Variants in C3orf20 observed in about 807,000 individuals in gnomAD.
C3orf20 encodes the protein uncharacterized protein C3orf20.
Under a neutral mutation model 88.3 loss-of-function variants are expected in C3orf20, and 76 were observed. The ratio of observed to expected loss-of-function variants is 0.86; its 90% confidence interval spans 0.72 to 1.04. The LOEUF (loss-of-function observed/expected upper bound fraction) is 1.04. Ranked by LOEUF, C3orf20 falls within the 50% of genes least tolerant of loss-of-function variation. The pLI, the probability that C3orf20 is intolerant of heterozygous loss-of-function variation, is 0.00. For synonymous variants in C3orf20, 436 were observed against 437.4 expected (o/e 1.00, Z 0.04); for missense variants, 1,056 against 1,123.3 (o/e 0.94, Z 0.86).
intron 12 of C3orf20, among the ~76,000 whole-genome samples, chr3:14,747,872 A>G (rs1297882908): frequency 6.6e-6 from 1 of 151,964 alleles, no homozygotes; most frequent in Non-Finnish European, 1.5e-5. Context: ...AATTTTTAAT[A>G]TGACATCTTA....
At chr3:14,691,395 G>T (rs763236249) in intron 5 of C3orf20, among the ~76,000 whole-genome samples, 1 of 152,230 alleles carries the variant, frequency 6.6e-6, no homozygotes, top group Non-Finnish European at 1.5e-5. Flanking sequence ...TGAGGGAAAA[G>T]AAAGTACTCT....
chr3:14,735,071 C>T (rs2034663258), intron 12 of C3orf20, among the ~76,000 whole-genome samples: 1 of 139,450 alleles, frequency 7.2e-6, no homozygotes, highest in South Asian at 2.5e-4. Context: ...ACCCTTTCTG[C>T]TCCTTTATTT....
intron 1 of C3orf20, among the ~76,000 whole-genome samples, chr3:14,678,437 C>G (rs1023343872): frequency 6.6e-6 from 1 of 152,198 alleles, no homozygotes; most frequent in African/African-American, 2.4e-5. Flanking sequence ...TTGCAGAGAG[C>G]ACTCTGACTT....
At chr3:14,675,743 C>G (rs1323407252) in intron 1 of C3orf20, among the ~76,000 whole-genome samples, 1 of 152,020 alleles carries the variant, frequency 6.6e-6, no homozygotes, top group African/African-American at 2.4e-5. Context: ...GCTCTGCTGC[C>G]TAGGCTGGAG....
In C3orf20 at chr3:14,768,686, A is replaced by AAATTACCTTCCTGAAGTAGACC. The variant is rs1165304384; in HGVS notation, c.2496-3379_2496-3358dup. ...GCCTGAGGGGGCGCTGAGTAGAGAG[A>AAATTACCTTCCTGAAGTAGACC]AATTACCTTCCTGAAGTAGACCAGG... On this transcript the variant is annotated intron_variant, in intron 15 of 16. Coordinates refer to ENST00000253697, the MANE Select transcript of C3orf20 (RefSeq NM_032137.5). The surrounding 1 kb of genome is among the most constrained non-coding windows in gnomAD (Gnocchi z 4.1). 6.6e-6 allele frequency among the ~76,000 whole-genome samples: 1 copy of AAATTACCTTCCTGAAGTAGACC among 151,892 alleles called. No homozygotes were observed. Among genetic ancestry groups the AAATTACCTTCCTGAAGTAGACC allele is most frequent in the East Asian group, 1.9e-4 (1 of 5,178 alleles).
At chr3:14,700,081 C>G (rs1301494537) in intron 5 of C3orf20, among the ~76,000 whole-genome samples, 4 of 152,206 alleles carry the variant, frequency 2.6e-5, no homozygotes, top group African/African-American at 9.6e-5. Flanking sequence ...CTCTCCCTCT[C>G]CCAAATGCAT....
chr3:14,757,410 G>A lies in C3orf20; in HGVS notation c.1980G>A (p.Ala660=), dbSNP rs753184974. 17 of 1,611,816 alleles carry A rather than the reference G, an allele frequency of 1.1e-5. No individual in the cohort carries two copies. Among genetic ancestry groups the A allele is most frequent in the South Asian group, 6.6e-5 (6 of 90,996 alleles). The change falls in exon 13 of 17, where the codon GCG becomes GCA. Residue 660 remains alanine, a synonymous_variant. Coordinates refer to ENST00000253697, the MANE Select transcript of C3orf20 (RefSeq NM_032137.5). ...AREGRSPTRW[A]ALPSDCPLVL... ...AGGGGCGCAGCCCCACCAGGTGGGC[G>A]GCCTTGCCCTCAGACTGCCCGCTGG...
rs1018684286 is a variant in C3orf20 at position 14,697,062 on chromosome 3, T to A, written c.746-6068T>A. Among the ~76,000 whole-genome samples, 3 of 152,190 alleles carry A rather than the reference T, an allele frequency of 2.0e-5. No individual in the cohort carries two copies. The South Asian group carries it at 6.2e-4, about 31-fold the overall frequency. ...GCCAGACAATTGGAGCTCCATTGTA[T>A]GTTATTTGTTTCTTTTCTCTTGCTG... On this transcript the variant is annotated intron_variant, in intron 5 of 16. Coordinates refer to ENST00000253697, the MANE Select transcript of C3orf20 (RefSeq NM_032137.5).
intron 5 of C3orf20, among the ~76,000 whole-genome samples, chr3:14,702,788 A>G (rs1442129815): frequency 1.3e-5 from 2 of 151,960 alleles, no homozygotes; most frequent in Admixed American, 1.3e-4. Context: ...CAGTCCCCCA[A>G]AGTCTTAACT....
chr3:14,732,638 G>C (rs111464201), intron 12 of C3orf20, among the ~76,000 whole-genome samples: 5 of 152,316 alleles, frequency 3.3e-5, no homozygotes, highest in African/African-American at 1.2e-4. Context: ...CGACTAGGGA[G>C]GGGGTGCTAC....
At position 14,682,955 on chromosome 3, in the gene C3orf20, T is replaced by C. The variant is rs774615858; in HGVS notation, c.242T>C (p.Met81Thr). The change falls in exon 3 of 17, where the codon ATG (methionine) becomes ACG (threonine). Residue 81 changes from methionine (M) to threonine (T), a missense_variant. Coordinates refer to ENST00000253697, the MANE Select transcript of C3orf20 (RefSeq NM_032137.5). ...VSFGAPLVVLMEPTFVQVPTL... is the reference protein window; with the variant it reads ...VSFGAPLVVLTEPTFVQVPTL... ...TTTGGAGCCCCCCTGGTGGTGCTCA[T>C]GGAACCCACCTTTGTGCAGGTCCCC... 3.7e-6 allele frequency: 6 copies of C among 1,614,184 alleles called. No homozygotes were observed. Among genetic ancestry groups the C allele is most frequent in the Non-Finnish European group, 5.1e-6 (6 of 1,180,030 alleles).
chr3:14,771,147 A>C (rs911481612), intron 15 of C3orf20, among the ~76,000 whole-genome samples: 2 of 152,246 alleles, frequency 1.3e-5, no homozygotes, highest in African/African-American at 4.8e-5. Flanking sequence ...AAAAGGCTCC[A>C]GAAGGACCCT....
chr3:14,679,976 A>C (rs2031999109), intron 1 of C3orf20, among the ~76,000 whole-genome samples: 1 of 152,244 alleles, frequency 6.6e-6, no homozygotes, highest in Non-Finnish European at 1.5e-5. Flanking sequence ...ACATAATTTC[A>C]CATCTACCAG....
intron 9 of C3orf20, among the ~76,000 whole-genome samples, 174 bp downstream of exon 9, chr3:14,715,583 G>A (rs2033908043): frequency 6.6e-6 from 1 of 152,228 alleles, no homozygotes; most frequent in South Asian, 2.1e-4. Context: ...GGTGGATGGT[G>A]GTCCAGGTTG....
At chr3:14,767,828 G>A (rs1485164290) in intron 15 of C3orf20, among the ~76,000 whole-genome samples, 2 of 152,232 alleles carry the variant, frequency 1.3e-5, no homozygotes, top group African/African-American at 2.4e-5. Flanking sequence ...AGAGCACTCC[G>A]TAAGCTACTG....
chr3:14,741,398 C>T (rs2034894414), intron 12 of C3orf20, among the ~76,000 whole-genome samples: 1 of 152,162 alleles, frequency 6.6e-6, no homozygotes. Context: ...CAACACTTGC[C>T]TTGAAAGGTA....
chr3:14,693,144 C>G (rs2032815501), intron 5 of C3orf20, among the ~76,000 whole-genome samples: 1 of 152,066 alleles, frequency 6.6e-6, no homozygotes, highest in Non-Finnish European at 1.5e-5. Context: ...ATAATTTGAA[C>G]TCAGGTAAGA....
At chr3:14,716,984 G>A (rs1394663298) in intron 9 of C3orf20, among the ~76,000 whole-genome samples, 2 of 152,196 alleles carry the variant, frequency 1.3e-5, no homozygotes, top group Non-Finnish European at 1.5e-5. Flanking sequence ...ATAGTTGTAT[G>A]AAAAGTGTAT....
At chr3:14,677,504 G>A (rs1398483584) in intron 1 of C3orf20, among the ~76,000 whole-genome samples, 2 of 151,576 alleles carry the variant, frequency 1.3e-5, no homozygotes, top group Admixed American at 1.3e-4. Flanking sequence ...TTTTGTTTTT[G>A]TTTTTGTTTT....
Sources: allele counts gnomAD v4.1 joint callset (sites outside exome capture counted in the v4.1 genomes callset), GRCh38; gene constraint gnomAD v4.1.1; non-coding constraint Gnocchi (gnomAD v3.1); transcripts MANE v1.5; gene names NCBI Gene and HGNC (gene_info 2026-07-23, HGNC 2026-07-21).